CAST: variants seen among roughly 807,000 people sequenced by gnomAD.
The protein encoded by CAST is calpastatin.
Under a neutral mutation model 119.6 loss-of-function variants are expected in CAST, and 76 were observed. The observed-to-expected ratio is 0.64, with a 90% CI of 0.53 to 0.77. The LOEUF (loss-of-function observed/expected upper bound fraction) is 0.77. Among genes scored for constraint, CAST ranks in the 30% least tolerant of loss-of-function variants. The pLI is 0.00. For missense variants in CAST, 953 were observed against 946.5 expected, an observed-to-expected ratio of 1.01 and a Z score of -0.09; for synonymous variants, 319 against 331.6, an observed-to-expected ratio of 0.96 and a Z score of 0.41.
chr5:96,009,448 C>A, the CAST span, among the ~76,000 whole-genome samples: 1 of 152,128 alleles, frequency 6.6e-6, no homozygotes. Flanking sequence ...CCTCTGCAGC[C>A]TCACCATCAT....
chr5:96,448,532 C>T, the CAST span, among the ~76,000 whole-genome samples: 1 of 152,172 alleles, frequency 6.6e-6, no homozygotes, highest in Non-Finnish European at 1.5e-5. Flanking sequence ...TATAGCTTTA[C>T]ATGAATTCTT....
intron 1 of CAST, among the ~76,000 whole-genome samples, chr5:96,594,321 A>T (rs1025039395): frequency 4.6e-5 from 7 of 152,234 alleles, no homozygotes; most frequent in African/African-American, 1.7e-4. Context: ...GCAGTTCATT[A>T]CTCATTAGCA....
chr5:96,463,248 T>C, the CAST span, among the ~76,000 whole-genome samples: 1 of 152,112 alleles, frequency 6.6e-6, no homozygotes, highest in Non-Finnish European at 1.5e-5. Flanking sequence ...TCAGCTTCAT[T>C]TCTCTCTTGT....
chr5:96,293,032 C>A, the CAST span, among the ~76,000 whole-genome samples: 1 of 152,202 alleles, frequency 6.6e-6, no homozygotes, highest in Non-Finnish European at 1.5e-5. Context: ...GGAGTGCAAA[C>A]AGCAGCCAAC....
chr5:96,554,947 T>G (rs554258086), intron 1 of CAST, among the ~76,000 whole-genome samples: 2 of 152,196 alleles, frequency 1.3e-5, no homozygotes, highest in African/African-American at 2.4e-5. Flanking sequence ...GCTTTTACAC[T>G]GTTGGTGGAA....
chr5:96,520,389 C>T (rs1296252045), upstream of CAST, among the ~76,000 whole-genome samples: 2 of 152,238 alleles, frequency 1.3e-5, no homozygotes, highest in East Asian at 3.8e-4. Context: ...ATTTGTATTT[C>T]CAACAATGTT....
At chr5:96,074,273 T>C in the CAST span, among the ~76,000 whole-genome samples, 2 of 152,214 alleles carry the variant, frequency 1.3e-5, no homozygotes, top group African/African-American at 4.8e-5. Context: ...TAATGTTCCT[T>C]CAAAATACGT....
chr5:95,984,458 A>C, the CAST span, among the ~76,000 whole-genome samples: 3 of 151,772 alleles, frequency 2.0e-5, no homozygotes, highest in Non-Finnish European at 4.4e-5. Flanking sequence ...AAGTGACCTA[A>C]AATTCAATGG....
At chr5:96,129,639 T>C in the CAST span, among the ~76,000 whole-genome samples, 1 of 152,094 alleles carries the variant, frequency 6.6e-6, no homozygotes, top group African/African-American at 2.4e-5. Context: ...ATGCATGAAA[T>C]AAAGTATTCA....
chr5:96,189,168 G>C, the CAST span, among the ~76,000 whole-genome samples: 1 of 151,804 alleles, frequency 6.6e-6, no homozygotes, highest in Non-Finnish European at 1.5e-5. Flanking sequence ...TTTTCTTTTT[G>C]GATTTTTCCA....
At chr5:96,404,948 T>A in the CAST span, among the ~76,000 whole-genome samples, 1 of 152,340 alleles carries the variant, frequency 6.6e-6, no homozygotes, top group Admixed American at 6.5e-5. Flanking sequence ...TTATTCTTGA[T>A]AAGTTTAGGC....
chr5:96,199,104 T>A, the CAST span, among the ~76,000 whole-genome samples: 1 of 152,192 alleles, frequency 6.6e-6, no homozygotes, highest in Admixed American at 6.5e-5. Flanking sequence ...GTTATGTGAC[T>A]ATAGGCTGGT....
At chr5:96,077,807 G>T in the CAST span, among the ~76,000 whole-genome samples, 5 of 152,170 alleles carry the variant, frequency 3.3e-5, no homozygotes. Flanking sequence ...TGTACAGCCT[G>T]CAGAACCATA....
chr5:96,346,620 T>G, the CAST span, among the ~76,000 whole-genome samples: 1 of 152,128 alleles, frequency 6.6e-6, no homozygotes, highest in Non-Finnish European at 1.5e-5. Context: ...ATATACTACA[T>G]CCTAAAGCAA....
chr5:96,625,965 C>A (rs1222386743), intron 1 of CAST, among the ~76,000 whole-genome samples: 1 of 152,196 alleles, frequency 6.6e-6, no homozygotes, highest in Non-Finnish European at 1.5e-5. Flanking sequence ...CAGTCTGAGA[C>A]CCCTGACCAG....
chr5:96,280,758 A>C, the CAST span, among the ~76,000 whole-genome samples: 110,579 of 151,962 alleles, frequency 0.73, 40,500 homozygotes, highest in East Asian at 0.81. Flanking sequence ...AGGTAGAGGT[A>C]AGATTTTTTT....
At chr5:95,988,730 G>A in the CAST span, among the ~76,000 whole-genome samples, 1 of 152,022 alleles carries the variant, frequency 6.6e-6, no homozygotes. Flanking sequence ...ATAAATGTTG[G>A]TAACCACACC....
the CAST span, among the ~76,000 whole-genome samples, chr5:96,463,580 A>T: frequency 6.6e-6 from 1 of 152,214 alleles, no homozygotes; most frequent in South Asian, 2.1e-4. Flanking sequence ...TCTTAAAAAT[A>T]CTTAACCTCC....
At chr5:96,665,933 A>C (rs1749281454) in intron 1 of CAST, among the ~76,000 whole-genome samples, 1 of 152,208 alleles carries the variant, frequency 6.6e-6, no homozygotes, top group Admixed American at 6.5e-5. Context: ...TGTATAATAC[A>C]TATATAGACA....
Sources: allele counts gnomAD v4.1 joint callset (sites outside exome capture counted in the v4.1 genomes callset), GRCh38; gene constraint gnomAD v4.1.1; transcripts MANE v1.5; gene names NCBI Gene and HGNC (gene_info 2026-07-23, HGNC 2026-07-21).